The following FARS2 variants were observed in gnomAD, a reference collection of about 807,000 sequenced individuals.
FARS2 encodes the protein phenylalanyl-tRNA synthetase 2, mitochondrial.
In FARS2, 40 loss-of-function variants were observed where a neutral mutation model predicts 46.4. That is an observed-to-expected ratio of 0.86 (90% CI 0.67 to 1.12). The LOEUF (loss-of-function observed/expected upper bound fraction) is 1.12, where lower values mean the gene tolerates loss of function less well. FARS2 is among the 50% of genes most tolerant of loss of function. The pLI, the probability that FARS2 is intolerant of heterozygous loss-of-function variation, is 0.00. For missense variants in FARS2, 513 were observed against 567.9 expected, an observed-to-expected ratio of 0.90 and a Z score of 0.98; for synonymous variants, 234 against 214.9, an observed-to-expected ratio of 1.09 and a Z score of -0.78.
chr6:5,530,170 C>T (rs1769733059), intron 4 of FARS2, among the ~76,000 whole-genome samples: 1 of 152,116 alleles, frequency 6.6e-6, no homozygotes, highest in African/African-American at 2.4e-5. Flanking sequence ...AGATGTGTCA[C>T]CTGGAGAAGG....
chr6:5,409,548 A>G (rs150911856), intron 3 of FARS2, among the ~76,000 whole-genome samples: 169 of 152,302 alleles, frequency 1.1e-3, no homozygotes, highest in African/African-American at 3.8e-3. Flanking sequence ...TTGTCAGCCT[A>G]GACTTTTGGT....
At chr6:5,369,688 C>G (rs1408501476) in intron 2 of FARS2, among the ~76,000 whole-genome samples, 3 of 152,160 alleles carry the variant, frequency 2.0e-5, no homozygotes, top group Non-Finnish European at 4.4e-5. Flanking sequence ...TCCTCACCCT[C>G]CCTGGCTTTG....
intron 1 of FARS2, among the ~76,000 whole-genome samples, chr6:5,271,762 T>C (rs572576295): frequency 2.4e-4 from 36 of 151,926 alleles, no homozygotes; most frequent in Non-Finnish European, 4.4e-4. Context: ...GGGGTTTCAC[T>C]ATATTGGCCA....
At chr6:5,482,558 C>T (rs1278714923) in intron 4 of FARS2, among the ~76,000 whole-genome samples, 1 of 152,082 alleles carries the variant, frequency 6.6e-6, no homozygotes, top group Non-Finnish European at 1.5e-5. Context: ...ATTGAACACT[C>T]GAATGCCAGG....
intron 5 of FARS2, among the ~76,000 whole-genome samples, chr6:5,607,285 ATGTGTGTGTGTGTGTGTGTG>A (rs200898031): frequency 7.3e-4 from 55 of 75,052 alleles, no homozygotes; most frequent in African/African-American, 1.6e-3. Flanking sequence ...AATAATATGT[ATGTGTGTGTGTGTGTGTGTG>A]TGTGTGTGTG....
At chr6:5,275,472 T>C (rs1421694218) in intron 1 of FARS2, among the ~76,000 whole-genome samples, 1 of 152,204 alleles carries the variant, frequency 6.6e-6, no homozygotes, top group African/African-American at 2.4e-5. Context: ...CCCACCAGAA[T>C]GTGAATTCTG....
chr6:5,382,215 G>A (rs1759840126), intron 2 of FARS2, among the ~76,000 whole-genome samples: 1 of 152,246 alleles, frequency 6.6e-6, no homozygotes, highest in Admixed American at 6.5e-5. Context: ...GATTTTGAGT[G>A]AGAGAATGAG....
At chr6:5,562,427 G>A (rs570166733) in intron 5 of FARS2, among the ~76,000 whole-genome samples, 3 of 152,230 alleles carry the variant, frequency 2.0e-5, no homozygotes, top group Admixed American at 2.0e-4. Flanking sequence ...TTCCTATAAA[G>A]CAGTAGGTGA....
In FARS2 at chr6:5,564,229, C is replaced by A. The variant is rs540735064; in HGVS notation, c.1065+18889C>A. Among the ~76,000 whole-genome samples, 3 of 152,264 alleles carry A rather than the reference C, an allele frequency of 2.0e-5. No individual in the cohort carries two copies. In the East Asian group the frequency reaches 5.8e-4, roughly 29 times the overall value. ...CAAGTGTGGTGTGGGTAGGTAATTT[C>A]CATCTAAAATTTTACTTGCTAAGAT... On this transcript the variant is annotated intron_variant, in intron 5 of 6. Transcript: ENST00000274680.
Position 5,502,985 on chromosome 6 carries a change from C to T in FARS2, c.905-42195C>T, listed in dbSNP as rs148538658. Among the ~76,000 whole-genome samples, 333 of 151,964 alleles carry T rather than the reference C, an allele frequency of 2.2e-3. 1 individual carries two copies. The highest frequency in any genetic ancestry group is 7.2e-3 in the African/African-American group (298 of 41,462). ...GTCAAAGGTAACACACCTGATTGTGCGTGTGATTGTAAATCCATTCAAAAA... is the reference window on the plus strand; with the variant it reads ...GTCAAAGGTAACACACCTGATTGTGTGTGTGATTGTAAATCCATTCAAAAA... On this transcript the variant is annotated intron_variant, in intron 4 of 6. Coordinates refer to ENST00000274680, the MANE Select transcript of FARS2 (RefSeq NM_006567.5).
chr6:5,438,255 C>A (rs983164656), intron 4 of FARS2, among the ~76,000 whole-genome samples: 2 of 86,280 alleles, frequency 2.3e-5, no homozygotes, highest in Admixed American at 1.7e-4. Flanking sequence ...CGCCCCCCCC[C>A]CCATTTTTGT....
At position 5,577,299 on chromosome 6, in the gene FARS2, G is replaced by T. The variant is rs539798760; in HGVS notation, c.1065+31959G>T. ...ATAATAAACCCTGATTATTAGATTA[G>T]AATCCAAGGTATTGATATAAACTCA... On this transcript the variant is annotated intron_variant, in intron 5 of 6. Transcript: ENST00000274680. 1.1e-4 allele frequency among the ~76,000 whole-genome samples: 17 copies of T among 152,202 alleles called. No individual in the cohort carries two copies. In the South Asian group the frequency reaches 3.5e-3, roughly 32 times the overall value.
At chr6:5,461,776 A>G (rs1308724950) in intron 4 of FARS2, among the ~76,000 whole-genome samples, 1 of 152,122 alleles carries the variant, frequency 6.6e-6, no homozygotes, top group Non-Finnish European at 1.5e-5. Flanking sequence ...TTTGTTCTTT[A>G]CTATTGTTGA....
chr6:5,711,888 C>T (rs1307489961), intron 6 of FARS2, among the ~76,000 whole-genome samples: 3 of 152,134 alleles, frequency 2.0e-5, no homozygotes, highest in African/African-American at 7.2e-5. Flanking sequence ...TTGGTTCACT[C>T]CTTCTGACTA....
intron 4 of FARS2, among the ~76,000 whole-genome samples, chr6:5,537,606 TTGGAGATGTCCCGGGCTTCCTCTCG>T (rs1770300036): frequency 1.3e-5 from 2 of 150,832 alleles, no homozygotes; most frequent in Non-Finnish European, 3.0e-5. Flanking sequence ...TCCTCTCGAG[TTGGAGATGTCCCGGGCTTCCTCTCG>T]AGTTGGAGAT....
intron 6 of FARS2, among the ~76,000 whole-genome samples, chr6:5,683,988 T>C (rs889248336): frequency 3.9e-5 from 6 of 152,354 alleles, no homozygotes; most frequent in African/African-American, 1.4e-4. Context: ...CCATGGTGTA[T>C]ATGTGCCACA....
intron 4 of FARS2, among the ~76,000 whole-genome samples, chr6:5,534,809 G>C (rs80106628): frequency 0.12 from 18,004 of 151,900 alleles, 1,161 homozygotes; most frequent in East Asian, 0.22. Context: ...ACACACATAT[G>C]TATACACACA....
chr6:5,265,761 G>A (rs756217208), intron 1 of FARS2, among the ~76,000 whole-genome samples: 1 of 152,116 alleles, frequency 6.6e-6, no homozygotes, highest in South Asian at 2.1e-4. Flanking sequence ...AGTTTTGACC[G>A]TTACTTTTAA....
At chr6:5,685,270 AT>A (rs949385148) in intron 6 of FARS2, among the ~76,000 whole-genome samples, 3 of 152,148 alleles carry the variant, frequency 2.0e-5, no homozygotes, top group Admixed American at 2.0e-4. Flanking sequence ...AGGATTCATT[AT>A]TTTTGAGCCA....
Sources: allele counts gnomAD v4.1 joint callset (sites outside exome capture counted in the v4.1 genomes callset), GRCh38; gene constraint gnomAD v4.1.1; transcripts MANE v1.5; gene names NCBI Gene and HGNC (gene_info 2026-07-23, HGNC 2026-07-21).